CPT1B: variants seen among roughly 807,000 people sequenced by gnomAD.
The protein encoded by CPT1B is carnitine O-palmitoyltransferase 1, muscle isoform.
Under a neutral mutation model 92.7 loss-of-function variants are expected in CPT1B, and 57 were observed. That is an observed-to-expected ratio of 0.62 (90% CI 0.50 to 0.77). The LOEUF (loss-of-function observed/expected upper bound fraction) is 0.77. CPT1B is among the 30% of genes least tolerant of loss of function. The pLI, the probability that CPT1B is intolerant of heterozygous loss-of-function variation, is 0.00. For missense variants in CPT1B, 983 were observed against 1,017.4 expected, an observed-to-expected ratio of 0.97 and a Z score of 0.46; for synonymous variants, 398 against 383.5, an observed-to-expected ratio of 1.04 and a Z score of -0.44.
intron 12 of CPT1B, 21 bp downstream of exon 12, chr22:50,572,182 T>C: frequency 6.2e-7 from 1 of 1,607,394 alleles, no homozygotes; most frequent in Non-Finnish European, 8.5e-7. Context: ...GCCCTGCAGG[T>C]TCCCTCTGCA....
rs1258148412 is a variant in CPT1B at position 50,571,505 on chromosome 22, G to A, written c.1610C>T (p.Ala537Val). 11 of 1,613,382 alleles carry A rather than the reference G, an allele frequency of 6.8e-6. No homozygotes were observed. Among genetic ancestry groups the A allele is most frequent in the Non-Finnish European group, 9.3e-6 (11 of 1,180,020 alleles). Residue 537 changes from alanine (A) to valine (V), a missense_variant, in exon 14 of 20, where the codon GCC becomes GTC. Ala to Val is a moderately conservative substitution (Grantham distance 64, BLOSUM62 0). Transcript: ENST00000312108. The stretch of plus-strand genomic sequence containing the variant: ...CTCCACGTCGTCTGCCAACGCCTTG[G>A]CCACCTGGTAGGAACTCTCGATGAC... Reference protein sequence around the residue: ...QAVIESSYQVAKALADDVELY... With the variant: ...QAVIESSYQVVKALADDVELY...
At chr22:50,571,741 GC>G in intron 13 of CPT1B, 1 of 657,682 alleles carries the variant, frequency 1.5e-6, no homozygotes, top group Non-Finnish European at 2.6e-6. Flanking sequence ...AGAGGGAAGT[GC>G]TGAAAATGCT....
intron 2 of CPT1B, 102 bp downstream of exon 2, chr22:50,577,673 G>C (rs1195701035): frequency 6.6e-7 from 1 of 1,518,710 alleles, no homozygotes; most frequent in African/African-American, 1.4e-5. Flanking sequence ...ACCTGTACCG[G>C]GCAGAAGTGC....
intron 18 of CPT1B, 45 bp downstream of exon 18, chr22:50,569,531 A>G (rs1329824986): frequency 6.2e-7 from 1 of 1,606,664 alleles, no homozygotes; most frequent in African/African-American, 1.3e-5. Context: ...GGGCAGCCCC[A>G]GGTGGCACCC....
chr22:50,576,867 C>T lies in CPT1B; in HGVS notation c.449G>A (p.Arg150Lys). The T allele has an allele frequency of 1.2e-6, 2 of 1,614,008 alleles. No individual in the cohort carries two copies. Among genetic ancestry groups the T allele is most frequent in the Non-Finnish European group, 1.7e-6 (2 of 1,180,020 alleles). The change falls in exon 4 of 20, where the codon AGG becomes AAG. Residue 150 changes from arginine to lysine, a missense_variant. Transcript: ENST00000312108. The part of the protein sequence containing the change: ...EMHGKTSNLT[R>K]IWAMCIRLLS... ...CTGGCTGCTGCTCACAGCCCAGATC[C>T]TGGTCAAGTTGCTGGTCTTGCCATG...
rs1232419442 is a variant in CPT1B at position 50,577,468 on chromosome 22, G to A, written c.142-5C>T. On this transcript the variant is annotated splice_region_variant and splice_polypyrimidine_tract_variant and intron_variant, in intron 2 of 19. Transcript: ENST00000312108. Reference sequence around the variant, plus strand: ...CACGCCCCTGAGGATGCCATTCTGTGGGCAGAAACAGGCGCCCTTATGGAG... The same window carrying A: ...CACGCCCCTGAGGATGCCATTCTGTAGGCAGAAACAGGCGCCCTTATGGAG... 7 of 1,613,232 alleles carry A rather than the reference G, an allele frequency of 4.3e-6. No individual in the cohort carries two copies. The African/African-American group carries it at 6.7e-5, about 15-fold the overall frequency.
At chr22:50,569,534 T>C in intron 18 of CPT1B, 42 bp downstream of exon 18, 1 of 1,605,988 alleles carries the variant, frequency 6.2e-7, no homozygotes, top group South Asian at 1.1e-5. Flanking sequence ...CAGCCCCAGG[T>C]GGCACCCCTT....
At chr22:50,578,054 C>T in intron 1 of CPT1B, 120 bp from the exon 2 acceptor site, 1 of 567,326 alleles carries the variant, frequency 1.8e-6, no homozygotes, top group Non-Finnish European at 2.4e-6. Flanking sequence ...CTAGCGGCTG[C>T]CCCCGGCCCG....
chr22:50,572,345 G>C (rs772169198), intron 11 of CPT1B, 37 bp from the exon 12 acceptor site: 1 of 1,459,020 alleles, frequency 6.9e-7, no homozygotes, highest in South Asian at 1.1e-5. Flanking sequence ...ACCAAAGCTG[G>C]GAATGTCCAG....
chr22:50,577,863 C>G lies in CPT1B; in HGVS notation c.53G>C (p.Gly18Ala). ...VAFQFTVTPD[G>A]VDFRLSREAL... ...CTCCCGACTGAGCCGGAAGTCGACCCCGTCTGGGGTCACCGTGAACTGGAA... is the reference window on the plus strand; with the variant it reads ...CTCCCGACTGAGCCGGAAGTCGACCGCGTCTGGGGTCACCGTGAACTGGAA... The change falls in exon 2 of 20, where the codon GGG (glycine) becomes GCG (alanine). Residue 18 changes from glycine to alanine, a missense_variant. By Grantham distance (60) the Gly-to-Ala change is moderately conservative. Coordinates refer to ENST00000312108, the MANE Select transcript of CPT1B (RefSeq NM_152246.3). 34 of 1,613,570 alleles carry G rather than the reference C, an allele frequency of 2.1e-5. No individual in the cohort carries two copies. The highest frequency in any genetic ancestry group is 2.7e-5 in the Non-Finnish European group (32 of 1,179,882).
chr22:50,573,053 A>C lies in CPT1B; in HGVS notation c.1174T>G (p.Trp392Gly). 1 of 1,596,670 alleles carries C rather than the reference A, an allele frequency of 6.3e-7. No homozygotes were observed. The highest frequency in any genetic ancestry group is 2.3e-5 in the East Asian group (1 of 44,328). The change falls in exon 11 of 20, where the codon TGG (tryptophan) becomes GGG (glycine). Residue 392 changes from tryptophan to glycine, a missense_variant. Trp to Gly is a radical substitution (Grantham distance 184, BLOSUM62 -2). Transcript: ENST00000312108. The surrounding 1 kb of genome is among the most constrained non-coding windows in gnomAD (Gnocchi z 5.0). ...AALTAGGRVE[W>G]AQARQAFFSS... ...AAGAAGGCCTGGCGTGCCTGCGCCC[A>C]CTCCACCCTGAAGCATGGGGCAGGG...
Position 50,576,863 on chromosome 22 carries a change from G to C in CPT1B, c.453C>G (p.Ile151Met). ...TCCACTGGCTGCTGCTCACAGCCCAGATCCTGGTCAAGTTGCTGGTCTTGC... is the reference window on the plus strand; with the variant it reads ...TCCACTGGCTGCTGCTCACAGCCCACATCCTGGTCAAGTTGCTGGTCTTGC... ...MHGKTSNLTR[I>M]WAMCIRLLSS... Residue 151 changes from isoleucine to methionine, a missense_variant, in exon 4 of 20, where the codon ATC becomes ATG. Ile to Met is a conservative substitution (Grantham distance 10). Transcript: ENST00000312108. The C allele has an allele frequency of 1.2e-6, 2 of 1,613,948 alleles. No homozygotes were observed. Among genetic ancestry groups the C allele is most frequent in the Non-Finnish European group, 1.7e-6 (2 of 1,180,008 alleles).
At chr22:50,571,337 C>T in intron 14 of CPT1B, 38 bp downstream of exon 14, 4 of 1,613,682 alleles carry the variant, frequency 2.5e-6, no homozygotes, top group Non-Finnish European at 2.5e-6. Context: ...ACCCTGGTAC[C>T]ACCCTGCCCT....
At chr22:50,577,646 G>A in intron 2 of CPT1B, 129 bp downstream of exon 2, 1 of 1,446,948 alleles carries the variant, frequency 6.9e-7, no homozygotes, top group South Asian at 1.3e-5. Flanking sequence ...CACCCCTCTG[G>A]TGTCTGTACT....
chr22:50,574,252 C>CT, intron 9 of CPT1B, 83 bp downstream of exon 9: 1 of 1,072,006 alleles, frequency 9.3e-7, no homozygotes, highest in South Asian at 1.3e-5. Flanking sequence ...CCCTGAGACA[C>CT]TGGGGACGCT....
chr22:50,569,246 C>T (rs1242717674), intron 19 of CPT1B, 90 bp downstream of exon 19: 7 of 1,300,128 alleles, frequency 5.4e-6, no homozygotes, highest in Non-Finnish European at 6.5e-6. Context: ...GCCTGGGCAC[C>T]TGTGCACGGC....
rs758581694 is a variant in CPT1B at position 50,577,038 on chromosome 22, T to C, written c.282-4A>G. 1 of 1,613,572 alleles carries C rather than the reference T, an allele frequency of 6.2e-7. No homozygotes were observed. Among genetic ancestry groups the C allele is most frequent in the East Asian group, 2.2e-5 (1 of 44,868 alleles). ...CGGGGTCTGGTAGGGGCCACACCTA[T>C]TGGAGAGGGGCAAGGGCTGCAGGGG... On this transcript the variant is annotated splice_region_variant and splice_polypyrimidine_tract_variant and intron_variant, in intron 3 of 19. Coordinates refer to ENST00000312108, the MANE Select transcript of CPT1B (RefSeq NM_152246.3).
At chr22:50,574,460 T>TC in intron 8 of CPT1B, 33 bp downstream of exon 8, 1 of 1,613,764 alleles carries the variant, frequency 6.2e-7, no homozygotes, top group Non-Finnish European at 8.5e-7. Flanking sequence ...AGGTCTCCCC[T>TC]CCCATCCCAC....
chr22:50,570,296 G>A lies in CPT1B; in HGVS notation c.2139C>T (p.Gly713=), dbSNP rs1307502399. 2 of 1,570,684 alleles carry A rather than the reference G, an allele frequency of 1.3e-6. No homozygotes were observed. The highest frequency in any genetic ancestry group is 1.7e-6 in the Non-Finnish European group (2 of 1,155,396). ...PNHLGAGGGF[G]PVADDGYGVS... is the part of the protein sequence containing the mutation. ...CACCCCCTTCAGGAGCACTCACAGGGCCAAAGCCACCTCCAGCGCCCAGGT... is the reference window on the plus strand; with the variant it reads ...CACCCCCTTCAGGAGCACTCACAGGACCAAAGCCACCTCCAGCGCCCAGGT... Residue 713 remains glycine (G), a synonymous_variant, in exon 17 of 20, where the codon GGC becomes GGT. Coordinates refer to ENST00000312108, the MANE Select transcript of CPT1B (RefSeq NM_152246.3).
Sources: gnomAD v4.1 joint callset for allele counts on GRCh38, gnomAD v4.1.1 for gene constraint, Gnocchi (gnomAD v3.1) non-coding constraint, MANE v1.5 for transcripts, NCBI Gene and HGNC (gene_info 2026-07-23, HGNC 2026-07-21) for gene names.